Variants in ST6GALNAC3 observed in about 807,000 individuals in gnomAD.
The protein encoded by ST6GALNAC3 is alpha-N-acetylgalactosaminide alpha-2,6-sialyltransferase 3.
ST6GALNAC3 carries 25 observed loss-of-function variants against 32.7 expected under a neutral mutation model. The observed-to-expected ratio is 0.76, with a 90% CI of 0.56 to 1.07. The LOEUF (loss-of-function observed/expected upper bound fraction) is 1.07. Ranked by LOEUF, ST6GALNAC3 falls within the 50% of genes least tolerant of loss-of-function variation. ST6GALNAC3 has a pLI of 0.00. For missense variants in ST6GALNAC3, 355 were observed against 382.4 expected (o/e 0.93, Z 0.60); for synonymous variants, 129 against 133.1 (o/e 0.97, Z 0.21).
intron 3 of ST6GALNAC3, among the ~76,000 whole-genome samples, chr1:76,623,445 T>C (rs1201057794): frequency 2.0e-5 from 3 of 151,906 alleles, no homozygotes; most frequent in Admixed American, 6.6e-5. Flanking sequence ...TCTCTTATCA[T>C]CCCTGTGGGA....
chr1:76,307,874 A>T (rs1453719256), intron 1 of ST6GALNAC3: 1 of 514,334 alleles, frequency 1.9e-6, no homozygotes, highest in East Asian at 5.5e-5. Context: ...TTTTCTGTGG[A>T]TTTTATTTTG....
intron 2 of ST6GALNAC3, among the ~76,000 whole-genome samples, chr1:76,400,887 C>T (rs1653362433): frequency 7.4e-6 from 1 of 134,624 alleles, no homozygotes; most frequent in East Asian, 2.1e-4. Flanking sequence ...AAGAGTGAAA[C>T]TCTGTCTCAA....
intron 3 of ST6GALNAC3, among the ~76,000 whole-genome samples, chr1:76,552,529 G>A (rs151304374): frequency 1.1e-3 from 169 of 152,220 alleles, no homozygotes; most frequent in African/African-American, 3.6e-3. Context: ...GCCCCTCAGC[G>A]TTATTATTCT....
chr1:76,351,586 C>G (rs997231656), intron 2 of ST6GALNAC3, among the ~76,000 whole-genome samples: 20 of 151,884 alleles, frequency 1.3e-4, no homozygotes, highest in Admixed American at 1.3e-3. Flanking sequence ...GTTCGTTTTT[C>G]TGACAGCCTA....
At chr1:76,624,075 G>A (rs1440265673) in intron 3 of ST6GALNAC3, among the ~76,000 whole-genome samples, 1 of 151,926 alleles carries the variant, frequency 6.6e-6, no homozygotes, top group Non-Finnish European at 1.5e-5. Context: ...ATATATCAGA[G>A]GCATCAGGGA....
chr1:76,556,485 T>G (rs1313524220), intron 3 of ST6GALNAC3, among the ~76,000 whole-genome samples: 1 of 152,072 alleles, frequency 6.6e-6, no homozygotes, highest in Non-Finnish European at 1.5e-5. Flanking sequence ...GCTGTACCAG[T>G]TTACATTTCT....
At chr1:76,480,362 G>T (rs1016017119) in intron 3 of ST6GALNAC3, among the ~76,000 whole-genome samples, 15 of 152,126 alleles carry the variant, frequency 9.9e-5, no homozygotes, top group Non-Finnish European at 1.6e-4. Flanking sequence ...TAGATCTTGA[G>T]ATTGGACATA....
At chr1:76,204,154 G>A (rs956999436) in intron 1 of ST6GALNAC3, among the ~76,000 whole-genome samples, 37 of 151,960 alleles carry the variant, frequency 2.4e-4, no homozygotes, top group African/African-American at 8.5e-4. Flanking sequence ...TGCAATTGTT[G>A]TCTTTCTGTG....
chr1:76,412,762 T>C (rs1359511766), intron 3 of ST6GALNAC3, among the ~76,000 whole-genome samples: 1 of 152,098 alleles, frequency 6.6e-6, no homozygotes, highest in Non-Finnish European at 1.5e-5. Context: ...CTAGTAATGG[T>C]AAGGAACTTT....
intron 2 of ST6GALNAC3, among the ~76,000 whole-genome samples, chr1:76,317,298 G>T (rs774624191): frequency 6.6e-6 from 1 of 152,036 alleles, no homozygotes; most frequent in Non-Finnish European, 1.5e-5. Flanking sequence ...ATGTCCTCAG[G>T]CGCAATCCGT....
chr1:76,257,397 G>C (rs1380260539), intron 1 of ST6GALNAC3, among the ~76,000 whole-genome samples: 1 of 152,100 alleles, frequency 6.6e-6, no homozygotes, highest in Non-Finnish European at 1.5e-5. Flanking sequence ...CTTGTTAAAT[G>C]TACAGTCACT....
At chr1:76,390,692 G>C (rs1489520734) in intron 2 of ST6GALNAC3, among the ~76,000 whole-genome samples, 1 of 152,100 alleles carries the variant, frequency 6.6e-6, no homozygotes, top group Admixed American at 6.5e-5. Flanking sequence ...GTACCTCACA[G>C]CTCTCAGTGC....
At chr1:76,284,331 TC>T (rs1187076179) in intron 1 of ST6GALNAC3, among the ~76,000 whole-genome samples, 1 of 152,096 alleles carries the variant, frequency 6.6e-6, no homozygotes, top group Admixed American at 6.5e-5. Flanking sequence ...CCAGAAACAG[TC>T]AAAAAGTTCT....
At chr1:76,613,512 T>G (rs1648077230) in intron 3 of ST6GALNAC3, among the ~76,000 whole-genome samples, 1 of 152,238 alleles carries the variant, frequency 6.6e-6, no homozygotes, top group African/African-American at 2.4e-5. Flanking sequence ...GACATGGCTG[T>G]CTGTGAGGGA....
At chr1:76,382,869 T>C (rs1651818999) in intron 2 of ST6GALNAC3, among the ~76,000 whole-genome samples, 1 of 152,170 alleles carries the variant, frequency 6.6e-6, no homozygotes, top group Non-Finnish European at 1.5e-5. Flanking sequence ...CTAAGAATCT[T>C]TCAAAACTGA....
intron 2 of ST6GALNAC3, among the ~76,000 whole-genome samples, chr1:76,364,499 G>A (rs888739574): frequency 6.6e-6 from 1 of 152,120 alleles, no homozygotes; most frequent in Non-Finnish European, 1.5e-5. Context: ...GTTGCAGTGA[G>A]CCGAGATGGT....
In ST6GALNAC3 at chr1:76,629,481, T is replaced by C. The variant is rs1011611809; in HGVS notation, c.*675T>C. The C allele has an allele frequency of 2.0e-6, 2 of 985,440 alleles. No individual in the cohort carries two copies. Among genetic ancestry groups the C allele is most frequent in the African/African-American group, 3.5e-5 (2 of 57,196 alleles). The allele number at this position is 985,440 out of a possible 1,614,324, so 61.0% of individuals were successfully genotyped here. ...AAATGGGCCAAGTAGCAAATCTTGA[T>C]GAATTTCCACTCTTACCATCCATTC... On this transcript the variant is annotated 3_prime_UTR_variant, in exon 5 of 5. Transcript: ENST00000328299.
intron 2 of ST6GALNAC3, among the ~76,000 whole-genome samples, chr1:76,373,541 G>A (rs1650996206): frequency 6.6e-6 from 1 of 152,174 alleles, no homozygotes; most frequent in Non-Finnish European, 1.5e-5. Context: ...ATAAGCAAAG[G>A]TGAGTGTGTG....
At chr1:76,252,069 G>A (rs181831111) in intron 1 of ST6GALNAC3, among the ~76,000 whole-genome samples, 11 of 152,240 alleles carry the variant, frequency 7.2e-5, no homozygotes, top group South Asian at 4.1e-4. Flanking sequence ...GGTGGGGAGC[G>A]TTGGTATGGT....
Sources: gnomAD v4.1 joint callset for allele counts (sites outside exome capture counted in the v4.1 genomes callset) on GRCh38, gnomAD v4.1.1 for gene constraint, MANE v1.5 for transcripts, NCBI Gene and HGNC (gene_info 2026-07-23, HGNC 2026-07-21) for gene names.